The following EPHA5 variants were observed in gnomAD, a reference collection of about 807,000 sequenced individuals.
EPHA5 encodes the protein EPH receptor A5.
In EPHA5, 60 loss-of-function variants were observed where a neutral mutation model predicts 105.0. The ratio of observed to expected loss-of-function variants is 0.57; its 90% CI spans 0.46 to 0.71. The LOEUF (loss-of-function observed/expected upper bound fraction) is 0.71. EPHA5 is among the 30% of genes least tolerant of loss of function. EPHA5 has a pLI of 0.00. For synonymous variants in EPHA5, 513 were observed against 449.1 expected (o/e 1.14, Z -1.80); for missense variants, 1,218 against 1,274.7 (o/e 0.96, Z 0.68).
chr4:65,585,442 T>C (rs919771984), intron 3 of EPHA5, among the ~76,000 whole-genome samples: 1 of 151,604 alleles, frequency 6.6e-6, no homozygotes, highest in African/African-American at 2.4e-5. Flanking sequence ...AATACTACTT[T>C]GGTGAGAAAA....
chr4:65,443,430 G>C (rs948033127), intron 5 of EPHA5, among the ~76,000 whole-genome samples: 2 of 151,556 alleles, frequency 1.3e-5, no homozygotes, highest in African/African-American at 4.9e-5. Context: ...CTGCGATACC[G>C]AATTAGATGG....
At chr4:65,414,731 G>T (rs1300455442) in intron 6 of EPHA5, among the ~76,000 whole-genome samples, 1 of 152,076 alleles carries the variant, frequency 6.6e-6, no homozygotes, top group Non-Finnish European at 1.5e-5. Flanking sequence ...TGTTGTAGGA[G>T]ACTGATTATT....
At chr4:65,601,272 G>C (rs1429005862) in intron 3 of EPHA5, among the ~76,000 whole-genome samples, 1 of 152,082 alleles carries the variant, frequency 6.6e-6, no homozygotes, top group Non-Finnish European at 1.5e-5. Context: ...AGCAAATAAA[G>C]AGTAGAAAAT....
At chr4:65,415,586 A>C (rs143483994) in intron 6 of EPHA5, among the ~76,000 whole-genome samples, 3,050 of 152,088 alleles carry the variant, frequency 0.02, 105 homozygotes, top group African/African-American at 0.069. Flanking sequence ...GTATGGTATA[A>C]TTTATAAGCC....
At chr4:65,633,888 A>T (rs1746871573) in intron 2 of EPHA5, among the ~76,000 whole-genome samples, 1 of 152,092 alleles carries the variant, frequency 6.6e-6, no homozygotes, top group Non-Finnish European at 1.5e-5. Context: ...AAAAATCAGA[A>T]TAATAAACAA....
intron 1 of EPHA5, among the ~76,000 whole-genome samples, chr4:65,655,720 A>C (rs556859070): frequency 2.0e-4 from 30 of 152,206 alleles, no homozygotes; most frequent in African/African-American, 7.2e-4. Context: ...TTTCCAAAGA[A>C]TTTGCTTTCA....
At chr4:65,375,637 C>T (rs1364519061) in intron 8 of EPHA5, among the ~76,000 whole-genome samples, 7 of 151,852 alleles carry the variant, frequency 4.6e-5, no homozygotes, top group Non-Finnish European at 1.0e-4. Flanking sequence ...GGTAAGGCAT[C>T]AATATCAATG....
At chr4:65,330,320 G>A (rs144066662) in intron 16 of EPHA5, among the ~76,000 whole-genome samples, 1 of 151,118 alleles carries the variant, frequency 6.6e-6, no homozygotes, top group Non-Finnish European at 1.5e-5. Context: ...TTTGGGGATA[G>A]AGGAGCAGAT....
intron 3 of EPHA5, among the ~76,000 whole-genome samples, chr4:65,503,985 T>G (rs1732753773): frequency 6.6e-6 from 1 of 151,344 alleles, no homozygotes; most frequent in Non-Finnish European, 1.5e-5. Flanking sequence ...AACAGGTATA[T>G]GTATATGTTG....
At chr4:65,535,293 T>C (rs1443881048) in intron 3 of EPHA5, among the ~76,000 whole-genome samples, 1 of 152,130 alleles carries the variant, frequency 6.6e-6, no homozygotes, top group Non-Finnish European at 1.5e-5. Flanking sequence ...CCCCATTGTC[T>C]GTGGCAGGAT....
At chr4:65,637,702 C>T (rs568643114) in intron 2 of EPHA5, among the ~76,000 whole-genome samples, 1 of 151,054 alleles carries the variant, frequency 6.6e-6, no homozygotes, top group Non-Finnish European at 1.5e-5. Flanking sequence ...TGACTGCCAA[C>T]ACTGTGTCAA....
chr4:65,507,925 T>TCCCCC (rs58624588), intron 3 of EPHA5, among the ~76,000 whole-genome samples: 5 of 152,142 alleles, frequency 3.3e-5, no homozygotes, highest in African/African-American at 9.6e-5. Flanking sequence ...ATACCCAAAT[T>TCCCCC]CCCCACTCAT....
chr4:65,489,576 A>G (rs1388189389), intron 5 of EPHA5, among the ~76,000 whole-genome samples: 1 of 152,170 alleles, frequency 6.6e-6, no homozygotes, highest in African/African-American at 2.4e-5. Flanking sequence ...TGGACAAAAC[A>G]TGCTAGAAAT....
chr4:65,645,799 G>A lies in EPHA5; in HGVS notation c.182-2372C>T, dbSNP rs144953151. Reference sequence around the variant, plus strand: ...GTGATATGGTCAAATAGTTTTATTCGTATATAGACTAGGAAATTCACAAGA... The same window carrying A: ...GTGATATGGTCAAATAGTTTTATTCATATATAGACTAGGAAATTCACAAGA... On this transcript the variant is annotated intron_variant, in intron 1 of 16. Coordinates refer to ENST00000613740, the MANE Select transcript of EPHA5 (RefSeq NM_001281766.3). Among the ~76,000 whole-genome samples, 340 of 151,948 alleles carry A rather than the reference G, an allele frequency of 2.2e-3. 2 individuals are homozygous for A. Among genetic ancestry groups the A allele is most frequent in the African/African-American group, 7.7e-3 (319 of 41,452 alleles).
intron 3 of EPHA5, among the ~76,000 whole-genome samples, chr4:65,588,945 A>G (rs977197901): frequency 6.6e-6 from 1 of 152,210 alleles, no homozygotes; most frequent in Non-Finnish European, 1.5e-5. Flanking sequence ...ATCTAGGATT[A>G]TCTCTCATTG....
intron 14 of EPHA5, among the ~76,000 whole-genome samples, chr4:65,346,829 C>G (rs1722270831): frequency 6.6e-6 from 1 of 152,092 alleles, no homozygotes; most frequent in African/African-American, 2.4e-5. Flanking sequence ...AGGATATGAA[C>G]AGACACTTCT....
chr4:65,359,548 G>T (rs1425173450), intron 11 of EPHA5, among the ~76,000 whole-genome samples: 1 of 151,330 alleles, frequency 6.6e-6, no homozygotes, highest in Non-Finnish European at 1.5e-5. Context: ...TCCATAAATT[G>T]CAACTCCTTT....
At chr4:65,488,493 A>C (rs550254542) in intron 5 of EPHA5, among the ~76,000 whole-genome samples, 13 of 152,332 alleles carry the variant, frequency 8.5e-5, no homozygotes, top group African/African-American at 3.1e-4. Flanking sequence ...GAGAGTTCAC[A>C]TTTACCGAAC....
chr4:65,513,589 T>C (rs760205308), intron 3 of EPHA5, among the ~76,000 whole-genome samples: 29 of 152,200 alleles, frequency 1.9e-4, no homozygotes, highest in Non-Finnish European at 3.2e-4. Context: ...GGTTTTACCA[T>C]GTTGGCCAGG....
Sources: gnomAD v4.1 joint callset for allele counts (sites outside exome capture counted in the v4.1 genomes callset) on GRCh38, gnomAD v4.1.1 for gene constraint, MANE v1.5 for transcripts, NCBI Gene and HGNC (gene_info 2026-07-23, HGNC 2026-07-21) for gene names.